The following DACH2 variants were observed in gnomAD, a reference collection of about 807,000 sequenced individuals.
DACH2 encodes the protein dachshund homolog 2.
DACH2 carries 17 observed loss-of-function variants against 35.8 expected under a neutral mutation model. The observed-to-expected ratio is 0.48, with a 90% CI of 0.33 to 0.71. The LOEUF (loss-of-function observed/expected upper bound fraction) is 0.71. Among genes scored for constraint, DACH2 ranks in the 30% least tolerant of loss-of-function variants. The pLI is 0.02. For synonymous variants in DACH2, 195 were observed against 177.3 expected, an observed-to-expected ratio of 1.10 and a Z score of -0.79; for missense variants, 469 against 472.7, an observed-to-expected ratio of 0.99 and a Z score of 0.07.
At chrX:86,698,743 C>T (rs2041104235) in intron 5 of DACH2, among the ~76,000 whole-genome samples, 2 of 108,051 alleles carry the variant, frequency 1.9e-5, no homozygotes, top group African/African-American at 6.7e-5. Flanking sequence ...GCCATGCTGC[C>T]TAGGCTGGTC....
chrX:86,711,382 AAAAT>A (rs1346651844), intron 5 of DACH2, among the ~76,000 whole-genome samples: 1 of 112,136 alleles, frequency 8.9e-6, no homozygotes, highest in African/African-American at 3.2e-5. Flanking sequence ...TCTCATTAAA[AAAAT>A]AAATAAATAA....
intron 3 of DACH2, among the ~76,000 whole-genome samples, chrX:86,564,523 A>G (rs897497089): frequency 5.4e-5 from 6 of 111,485 alleles, no homozygotes; most frequent in African/African-American, 2.0e-4. Context: ...CCATTTGATA[A>G]AAGTAATCCA....
intron 2 of DACH2, among the ~76,000 whole-genome samples, chrX:86,454,584 A>T (rs957296800): frequency 8.9e-6 from 1 of 112,125 alleles, no homozygotes; most frequent in Non-Finnish European, 1.9e-5. Flanking sequence ...TTGTGATTGC[A>T]TTGTGAAATT....
chrX:86,546,330 T>TTCTTCC (rs1381981432), intron 3 of DACH2, among the ~76,000 whole-genome samples: 5 of 87,493 alleles, frequency 5.7e-5, no homozygotes, highest in African/African-American at 2.4e-4. Context: ...TTTCTTCTTC[T>TTCTTCC]TCTTCTTCCT....
At chrX:86,479,855 G>T (rs1018999408) in intron 2 of DACH2, among the ~76,000 whole-genome samples, 1 of 112,189 alleles carries the variant, frequency 8.9e-6, no homozygotes, top group African/African-American at 3.2e-5. Flanking sequence ...AAATTTATCT[G>T]ATAAAATTGT....
At chrX:86,389,623 C>T (rs1422102539) in intron 2 of DACH2, among the ~76,000 whole-genome samples, 1 of 111,903 alleles carries the variant, frequency 8.9e-6, no homozygotes, top group Non-Finnish European at 1.9e-5. Context: ...AAAACAGTGA[C>T]AGAAAATTGA....
chrX:86,626,431 T>C (rs2040138142), intron 3 of DACH2, among the ~76,000 whole-genome samples: 1 of 112,624 alleles, frequency 8.9e-6, no homozygotes, highest in African/African-American at 3.2e-5. Context: ...GTGCAAGCTG[T>C]CAGTGGAACT....
intron 2 of DACH2, among the ~76,000 whole-genome samples, chrX:86,411,511 G>T (rs1223771276): frequency 9.1e-6 from 1 of 110,394 alleles, no homozygotes; most frequent in Non-Finnish European, 1.9e-5. Context: ...CAATAATGAG[G>T]TCATAATTAC....
chrX:86,326,432 A>G (rs1407571253), intron 1 of DACH2, among the ~76,000 whole-genome samples: 1 of 107,841 alleles, frequency 9.3e-6, no homozygotes, highest in Middle Eastern at 4.7e-3. Flanking sequence ...GTGCCACTGC[A>G]CTCCAGTTCG....
chrX:86,823,718 G>A (rs1284464294), intron 11 of DACH2, among the ~76,000 whole-genome samples: 2 of 111,888 alleles, frequency 1.8e-5, no homozygotes, highest in Non-Finnish European at 3.8e-5. Context: ...TACAAAGAGA[G>A]TAATTTTACA....
intron 4 of DACH2, among the ~76,000 whole-genome samples, chrX:86,674,733 A>C (rs2040807716): frequency 8.9e-6 from 1 of 111,859 alleles, no homozygotes; most frequent in Admixed American, 9.5e-5. Context: ...AACTGATGAA[A>C]ATACAGGATT....
chrX:86,468,489 C>T (rs1390427507), intron 2 of DACH2, among the ~76,000 whole-genome samples: 1 of 111,435 alleles, frequency 9.0e-6, no homozygotes, highest in Non-Finnish European at 1.9e-5. Context: ...ACAACAACTT[C>T]TTTTAAAGTG....
intron 1 of DACH2, among the ~76,000 whole-genome samples, chrX:86,232,112 C>T (rs773523220): frequency 6.3e-5 from 7 of 111,705 alleles, no homozygotes; most frequent in Non-Finnish European, 1.3e-4. Context: ...CAACCCTGGG[C>T]ATGTTGACTC....
chrX:86,624,371 T>A (rs2040108668), intron 3 of DACH2, among the ~76,000 whole-genome samples: 1 of 111,947 alleles, frequency 8.9e-6, no homozygotes, highest in Admixed American at 9.5e-5. Context: ...CATGGCAATT[T>A]AAAAAAATGG....
At chrX:86,752,327 A>G (rs1283543578) in intron 7 of DACH2, among the ~76,000 whole-genome samples, 1 of 111,787 alleles carries the variant, frequency 8.9e-6, no homozygotes, top group Non-Finnish European at 1.9e-5. Flanking sequence ...CACTGTGGTT[A>G]TTAATTGCAT....
chrX:86,292,499 T>G (rs1287876166), intron 1 of DACH2, among the ~76,000 whole-genome samples: 1 of 110,981 alleles, frequency 9.0e-6, no homozygotes, highest in Non-Finnish European at 1.9e-5. Context: ...GCTTTTCTAT[T>G]TCCTTTAATT....
chrX:86,769,511 G>A, intron 7 of DACH2, among the ~76,000 whole-genome samples: 1 of 111,786 alleles, frequency 8.9e-6, no homozygotes, highest in Middle Eastern at 4.6e-3. Context: ...GAAAGTTGGA[G>A]GTACCACATT....
chrX:86,395,716 C>T (rs2036275851), intron 2 of DACH2, among the ~76,000 whole-genome samples: 1 of 111,873 alleles, frequency 8.9e-6, no homozygotes, highest in Non-Finnish European at 1.9e-5. Context: ...AGGACATGAA[C>T]TTATCACTTT....
At position 86,554,578 on chromosome X, in the gene DACH2, C is replaced by T. The variant is rs60366535; in HGVS notation, c.640+40187C>T. Among the ~76,000 whole-genome samples, 1,087 of 111,553 alleles carry T rather than the reference C, an allele frequency of 9.7e-3. 34 individuals are homozygous for T. The East Asian group carries it at 0.12, about 12-fold the overall frequency. ...AGCTGGACAAAAGGAAGTATTTATG[C>T]TAACTTCAATTATAACTTGGAGAGT... On this transcript the variant is annotated intron_variant, in intron 3 of 11. Coordinates refer to ENST00000373125, the MANE Select transcript of DACH2 (RefSeq NM_053281.3).
Sources: gnomAD v4.1 joint callset for allele counts (sites outside exome capture counted in the v4.1 genomes callset) on GRCh38, gnomAD v4.1.1 for gene constraint, MANE v1.5 for transcripts, NCBI Gene and HGNC (gene_info 2026-07-23, HGNC 2026-07-21) for gene names.